The following SEC31A variants were observed in gnomAD, a reference collection of about 807,000 sequenced individuals.
SEC31A encodes the protein SEC31 homolog A, COPII component.
A neutral mutation model predicts 151.0 loss-of-function variants in SEC31A; 70 were observed. The observed-to-expected ratio is 0.46, with a 90% CI of 0.38 to 0.57. The LOEUF (loss-of-function observed/expected upper bound fraction) is 0.57. Among genes scored for constraint, SEC31A ranks in the 20% least tolerant of loss-of-function variants. The pLI is 0.00. For missense variants in SEC31A, 1,330 were observed against 1,471.2 expected (o/e 0.90, Z 1.57); for synonymous variants, 475 against 505.9 (o/e 0.94, Z 0.82).
chr4:82,820,116 C>T lies in SEC31A; in HGVS notation c.3484-863G>A, dbSNP rs183207454. On this transcript the variant is annotated intron_variant, in intron 26 of 26. Transcript: ENST00000395310. ...TAATATATACTCATCTAGATGTATA[C>T]GCTAATTGTATCTTCTGTTTTTTTT... is the stretch of plus-strand genomic sequence containing the variant. Among the ~76,000 whole-genome samples the T allele has an allele frequency of 3.0e-3, 441 of 145,420 alleles. 7 individuals carry two copies. The highest frequency in any genetic ancestry group is 0.019 in the South Asian group (88 of 4,558).
intron 24 of SEC31A, 42 bp from the exon 25 acceptor site, chr4:82,824,716 G>C (rs1724142153): frequency 6.2e-7 from 1 of 1,602,152 alleles, no homozygotes; most frequent in Non-Finnish European, 8.5e-7. Flanking sequence ...ATGACCAGAA[G>C]CTACCTTATA....
intron 22 of SEC31A, among the ~76,000 whole-genome samples, chr4:82,837,158 C>CATATATATATATATATATAT (rs138120291): frequency 2.3e-5 from 1 of 42,674 alleles, no homozygotes; most frequent in Non-Finnish European, 4.4e-5. Flanking sequence ...TAAATTTTAT[C>CATATATATATATATATATAT]ATATATATAT....
chr4:82,826,399 G>C (rs4693517), intron 24 of SEC31A, among the ~76,000 whole-genome samples: 66,196 of 152,148 alleles, frequency 0.44, 17,718 homozygotes, highest in Admixed American at 0.58. Context: ...TGTCGTCCAG[G>C]CTGGAGTGCA....
chr4:82,875,647 C>T (rs1737749715), intron 5 of SEC31A, 80 bp downstream of exon 5: 2 of 754,850 alleles, frequency 2.6e-6, no homozygotes, highest in African/African-American at 1.8e-5. Flanking sequence ...TGTGAGAAGC[C>T]TTAAAAGTGA....
chr4:82,862,467 A>G (rs1175352248), intron 13 of SEC31A, 67 bp downstream of exon 13: 31 of 1,166,622 alleles, frequency 2.7e-5, no homozygotes, highest in Middle Eastern at 3.8e-4. Context: ...TTCTTAAATG[A>G]TATTTCCTTC....
At position 82,827,571 on chromosome 4, in the gene SEC31A, T is replaced by C. The variant is rs1405461190; in HGVS notation, c.3089A>G (p.Asp1030Gly). Residue 1030 changes from aspartate to glycine, a missense_variant, in exon 24 of 27, where the codon GAC becomes GGC. Physicochemically the swap from Asp to Gly is moderately conservative, Grantham distance 94. Coordinates refer to ENST00000395310, the MANE Select transcript of SEC31A (RefSeq NM_001077207.4). ...ITSPIMNPLGDPQSQMLQQQP... is the reference protein window; with the variant it reads ...ITSPIMNPLGGPQSQMLQQQP... The stretch of plus-strand genomic sequence containing the variant: ...TTGCTGCAGCATTTGTGACTGGGGG[T>C]CACCCAACGGGTTCATGATTGGTGA... The C allele has an allele frequency of 1.2e-6, 2 of 1,613,820 alleles. No individual in the cohort carries two copies. Among genetic ancestry groups the C allele is most frequent in the Non-Finnish European group, 1.7e-6 (2 of 1,179,998 alleles).
chr4:82,896,035 TATA>T (rs1222350396), upstream of SEC31A, among the ~76,000 whole-genome samples: 1 of 152,206 alleles, frequency 6.6e-6, no homozygotes, highest in East Asian at 1.9e-4. Flanking sequence ...CCAATTTTAC[TATA>T]ATTGGGAAAA....
intron 22 of SEC31A, chr4:82,831,314 A>G (rs1266447292): frequency 6.3e-6 from 1 of 157,680 alleles, no homozygotes; most frequent in East Asian, 1.8e-4. Context: ...TTTTTCTACT[A>G]TTTAACTAAT....
chr4:82,825,531 T>C (rs1461087361), intron 24 of SEC31A, among the ~76,000 whole-genome samples: 2 of 152,066 alleles, frequency 1.3e-5, no homozygotes, highest in Non-Finnish European at 2.9e-5. Flanking sequence ...AAAAGAGCAT[T>C]CCAGACGAAA....
intron 22 of SEC31A, among the ~76,000 whole-genome samples, chr4:82,835,995 C>G (rs535695872): frequency 6.6e-6 from 1 of 152,094 alleles, no homozygotes; most frequent in South Asian, 2.1e-4. Flanking sequence ...AATGGTGCAG[C>G]TGCTGTGAAA....
At chr4:82,871,224 G>A (rs1736586764) in intron 7 of SEC31A, 3 of 1,060,238 alleles carry the variant, frequency 2.8e-6, no homozygotes, top group South Asian at 1.9e-5. Context: ...ACCATTATAT[G>A]GTATTCATGA....
intron 10 of SEC31A, among the ~76,000 whole-genome samples, chr4:82,865,581 T>TATATATATATATAC (rs1553932978): frequency 1.0e-5 from 1 of 96,496 alleles, no homozygotes. Flanking sequence ...TATATATATA[T>TATATATATATATAC]ATACAATGCA....
At chr4:82,870,732 A>G (rs925836107) in intron 7 of SEC31A, among the ~76,000 whole-genome samples, 27 of 152,178 alleles carry the variant, frequency 1.8e-4, no homozygotes, top group Admixed American at 1.5e-3. Context: ...AAACAAAAAA[A>G]GAAATAAAAA....
At chr4:82,877,540 T>C (rs1268741251) in intron 4 of SEC31A, 1 of 152,088 alleles carries the variant, frequency 6.6e-6, no homozygotes, top group Admixed American at 6.6e-5. Context: ...CACCATGTTC[T>C]GCTAATTGTT....
intron 6 of SEC31A, 137 bp from the exon 7 acceptor site, chr4:82,872,223 T>C (rs1449439405): frequency 1.6e-5 from 11 of 706,378 alleles, no homozygotes; most frequent in Middle Eastern, 3.7e-4. Context: ...ATCTATTTAT[T>C]GTCAGCCAGG....
At chr4:82,868,532 T>C (rs201209352) in intron 8 of SEC31A, among the ~76,000 whole-genome samples, 1 of 146,760 alleles carries the variant, frequency 6.8e-6, no homozygotes, top group African/African-American at 2.5e-5. Context: ...AAAAAATAAA[T>C]AAATAAATAG....
At chr4:82,889,592 T>C (rs1010363504) in intron 1 of SEC31A, among the ~76,000 whole-genome samples, 22 of 151,094 alleles carry the variant, frequency 1.5e-4, no homozygotes, top group African/African-American at 5.3e-4. Context: ...ATCCTACATG[T>C]GTGTATATGT....
chr4:82,832,529 C>CA (rs894892640), intron 22 of SEC31A, among the ~76,000 whole-genome samples: 1 of 152,154 alleles, frequency 6.6e-6, no homozygotes, highest in African/African-American at 2.4e-5. Flanking sequence ...ACAGCAAAAG[C>CA]AATGGCAACA....
At chr4:82,823,196 A>C (rs893658031) in intron 25 of SEC31A, among the ~76,000 whole-genome samples, 1 of 152,212 alleles carries the variant, frequency 6.6e-6, no homozygotes, top group East Asian at 1.9e-4. Context: ...TTAACAAAAA[A>C]TGTATTGAGT....
Sources: gnomAD v4.1 joint callset for allele counts (sites outside exome capture counted in the v4.1 genomes callset) on GRCh38, gnomAD v4.1.1 for gene constraint, MANE v1.5 for transcripts, NCBI Gene and HGNC (gene_info 2026-07-23, HGNC 2026-07-21) for gene names.